FBXL13: variants seen among roughly 807,000 people sequenced by gnomAD.
The protein encoded by FBXL13 is F-box and leucine-rich repeat protein 13.
FBXL13 carries 67 observed loss-of-function variants against 83.6 expected under a neutral mutation model. The observed-to-expected ratio is 0.80, with a 90% CI of 0.66 to 0.98. FBXL13 has a LOEUF of 0.98. FBXL13 is among the 50% of genes least tolerant of loss of function. The pLI is 0.00. For synonymous variants in FBXL13, 272 were observed against 299.5 expected (o/e 0.91, Z 0.95); for missense variants, 822 against 866.5 (o/e 0.95, Z 0.64).
chr7:102,850,372 A>G (rs765031062), intron 17 of FBXL13, among the ~76,000 whole-genome samples: 6 of 152,192 alleles, frequency 3.9e-5, no homozygotes, highest in Non-Finnish European at 7.3e-5. Context: ...AATAATGTAC[A>G]TTAAGAGGCT....
intron 10 of FBXL13, among the ~76,000 whole-genome samples, chr7:102,922,918 C>T (rs1480349226): frequency 1.3e-5 from 2 of 152,064 alleles, no homozygotes; most frequent in Non-Finnish European, 2.9e-5. Context: ...GCGGAGCTTG[C>T]AGTGAGCTGA....
intron 6 of FBXL13, among the ~76,000 whole-genome samples, chr7:102,984,260 G>A (rs979905680): frequency 3.3e-5 from 5 of 152,126 alleles, no homozygotes; most frequent in Non-Finnish European, 5.9e-5. Context: ...TTAAAATTCT[G>A]TTCCTATAGA....
chr7:103,072,269 T>C (rs954467178), intron 1 of FBXL13, among the ~76,000 whole-genome samples: 2 of 152,050 alleles, frequency 1.3e-5, no homozygotes, highest in African/African-American at 4.8e-5. Context: ...ATGGAATTCA[T>C]CTTGATATTC....
At chr7:103,057,556 A>AT (rs1323792220) in intron 1 of FBXL13, among the ~76,000 whole-genome samples, 6 of 152,338 alleles carry the variant, frequency 3.9e-5, no homozygotes, top group African/African-American at 1.4e-4. Flanking sequence ...ACACATTTGT[A>AT]TTTTATCATT....
intron 1 of FBXL13, among the ~76,000 whole-genome samples, chr7:103,064,934 G>A: frequency 6.6e-6 from 1 of 152,272 alleles, no homozygotes; most frequent in East Asian, 1.9e-4. Context: ...GCACCAACTT[G>A]CTAGGCATGC....
At chr7:102,848,884 C>T (rs1482976582) in intron 17 of FBXL13, among the ~76,000 whole-genome samples, 1 of 151,998 alleles carries the variant, frequency 6.6e-6, no homozygotes, top group Non-Finnish European at 1.5e-5. Context: ...CCTGTAATCC[C>T]AGCTACTCGG....
intron 17 of FBXL13, among the ~76,000 whole-genome samples, chr7:102,834,099 AAAGAAAG>A (rs1562926121): frequency 1.4e-3 from 140 of 96,686 alleles, no homozygotes; most frequent in Admixed American, 3.4e-3. Flanking sequence ...AGAAAGAAAG[AAAGAAAG>A]AAAGAAAGAA....
At chr7:102,835,341 G>A (rs1333727595) in intron 17 of FBXL13, among the ~76,000 whole-genome samples, 3 of 152,142 alleles carry the variant, frequency 2.0e-5, no homozygotes, top group African/African-American at 7.2e-5. Flanking sequence ...ACCCAAGGAG[G>A]TACAGAAAGG....
intron 6 of FBXL13, chr7:102,973,446 T>A (rs1826993202): frequency 2.7e-6 from 2 of 731,802 alleles, no homozygotes; most frequent in Non-Finnish European, 5.0e-6. Flanking sequence ...GGACAATTCC[T>A]GTTTACGGAA....
intron 16 of FBXL13, among the ~76,000 whole-genome samples, 182 bp from the exon 18 acceptor site, chr7:102,855,042 C>T (rs544717939): frequency 1.3e-5 from 2 of 152,182 alleles, no homozygotes; most frequent in East Asian, 1.9e-4. Context: ...TAGGCAATGC[C>T]ATTAAGTAAA....
At chr7:103,034,641 G>T (rs1200813982) in intron 2 of FBXL13, among the ~76,000 whole-genome samples, 1 of 152,226 alleles carries the variant, frequency 6.6e-6, no homozygotes, top group East Asian at 1.9e-4. Context: ...AGCCCAGAAA[G>T]GGGATCCCAC....
chr7:103,072,208 T>C (rs1172741139), intron 1 of FBXL13, among the ~76,000 whole-genome samples: 2 of 151,198 alleles, frequency 1.3e-5, no homozygotes, highest in African/African-American at 4.9e-5. Flanking sequence ...ATAAAACCCA[T>C]CTGGGAAATT....
intron 8 of FBXL13, among the ~76,000 whole-genome samples, chr7:102,954,632 T>C (rs555116334): frequency 1.3e-5 from 2 of 152,294 alleles, no homozygotes; most frequent in South Asian, 4.1e-4. Context: ...ATCAGTGTGC[T>C]GTATTCAGGA....
At chr7:103,070,155 T>A (rs1324076662) in intron 1 of FBXL13, among the ~76,000 whole-genome samples, 1 of 149,606 alleles carries the variant, frequency 6.7e-6, no homozygotes, top group African/African-American at 2.5e-5. Context: ...CAGAAGAAAA[T>A]AAGCAATAGA....
intron 2 of FBXL13, among the ~76,000 whole-genome samples, chr7:103,042,915 G>T (rs1376827064): frequency 6.6e-6 from 1 of 152,168 alleles, no homozygotes; most frequent in Non-Finnish European, 1.5e-5. Context: ...CATGGGCAAA[G>T]ACTTCATGAT....
chr7:102,827,898 T>C (rs1217950615), intron 18 of FBXL13, among the ~76,000 whole-genome samples: 2 of 152,314 alleles, frequency 1.3e-5, no homozygotes, highest in South Asian at 2.1e-4. Context: ...GTTGTAGATA[T>C]GCAGCATTAT....
intron 8 of FBXL13, among the ~76,000 whole-genome samples, chr7:102,958,399 G>A (rs1022059181): frequency 6.6e-6 from 1 of 151,768 alleles, no homozygotes; most frequent in Non-Finnish European, 1.5e-5. Context: ...GTGGTGGACT[G>A]GGGGAGGGAT....
In FBXL13 at chr7:103,010,721, G is replaced by A. The variant is rs540094453; in HGVS notation, c.495+14342C>T. ...TTCTCCTGGCTCCATGCTGAGCCCAGACAGGCTGGTCCCCAGCTTCATTCC... is the reference window on the plus strand; with the variant it reads ...TTCTCCTGGCTCCATGCTGAGCCCAAACAGGCTGGTCCCCAGCTTCATTCC... On this transcript the variant is annotated intron_variant, in intron 6 of 19. Transcript: ENST00000313221. Among the ~76,000 whole-genome samples the A allele has an allele frequency of 9.2e-5, 14 of 152,278 alleles. 1 individual carries two copies. In the East Asian group the frequency reaches 1.9e-3, roughly 21 times the overall value.
intron 6 of FBXL13, among the ~76,000 whole-genome samples, chr7:103,008,764 G>T (rs1057037415): frequency 6.6e-6 from 1 of 152,074 alleles, no homozygotes; most frequent in Admixed American, 6.5e-5. Flanking sequence ...CACCATGTTG[G>T]GCAGGCTGGT....
Sources: gnomAD v4.1 joint callset for allele counts (sites outside exome capture counted in the v4.1 genomes callset) on GRCh38, gnomAD v4.1.1 for gene constraint, MANE v1.5 for transcripts, NCBI Gene and HGNC (gene_info 2026-07-23, HGNC 2026-07-21) for gene names.